The following FAM135A variants were observed in gnomAD, a reference collection of about 807,000 sequenced individuals.
FAM135A encodes the protein protein FAM135A.
In FAM135A, 79 loss-of-function variants were observed where a neutral mutation model predicts 146.8. The ratio of observed to expected loss-of-function variants is 0.54; its 90% CI spans 0.45 to 0.65. The LOEUF (loss-of-function observed/expected upper bound fraction) is 0.65, where lower values mean the gene tolerates loss of function less well. Ranked by LOEUF, FAM135A falls within the 30% of genes least tolerant of loss-of-function variation. FAM135A has a pLI of 0.00. For synonymous variants in FAM135A, 562 were observed against 603.6 expected (o/e 0.93, Z 1.01); for missense variants, 1,623 against 1,758.2 (o/e 0.92, Z 1.38).
Position 70,502,772 on chromosome 6 carries a change from A to T in FAM135A, c.1010A>T (p.Gln337Leu). 8.7e-6 allele frequency: 14 copies of T among 1,611,974 alleles called. No homozygotes were observed. The highest frequency in any genetic ancestry group is 1.1e-5 in the Non-Finnish European group (13 of 1,178,844). ...GAAGAACTAAGAATATTATTAGCAC[A>T]AGAGCACCATACTTTGAGGGTAAGT... ...LHEELRILLAQEHHTLRVRRF... is the reference protein window; with the variant it reads ...LHEELRILLALEHHTLRVRRF... Residue 337 changes from glutamine (Q) to leucine (L), a missense_variant, in exon 12 of 22, where the codon CAA (glutamine) becomes CTA (leucine). This residue lies in a region of FAM135A where 206 missense variants were observed against 194.7 expected (regional missense o/e 1.06). Coordinates refer to ENST00000418814, the MANE Select transcript of FAM135A (RefSeq NM_001162529.3).
chr6:70,482,218 A>G, intron 10 of FAM135A, 64 bp downstream of exon 10: 3 of 1,504,660 alleles, frequency 2.0e-6, no homozygotes, highest in East Asian at 2.4e-5. Flanking sequence ...TTATATTGCT[A>G]GCTATCAGCT....
chr6:70,496,100 G>A (rs931858683), intron 11 of FAM135A, among the ~76,000 whole-genome samples: 5 of 152,062 alleles, frequency 3.3e-5, no homozygotes, highest in Non-Finnish European at 5.9e-5. Flanking sequence ...ATAAACATAC[G>A]TGTGCATGTA....
At chr6:70,443,651 A>C (rs1775063067) in intron 4 of FAM135A, among the ~76,000 whole-genome samples, 1 of 152,238 alleles carries the variant, frequency 6.6e-6, no homozygotes, top group Admixed American at 6.5e-5. Flanking sequence ...TTTTGTAGTG[A>C]AAATTTATAG....
chr6:70,515,323 T>C lies in FAM135A; in HGVS notation c.1030-7190T>C, dbSNP rs530821116. Among the ~76,000 whole-genome samples, 23 of 152,370 alleles carry C rather than the reference T, an allele frequency of 1.5e-4. No homozygotes were observed. In the South Asian group the frequency reaches 4.8e-3, roughly 32 times the overall value. ...CAAAAACCTCCACATATAGCAGCTT[T>C]ATTCATAATCATCAAATTTGGAAGC... On this transcript the variant is annotated intron_variant, in intron 12 of 21. Coordinates refer to ENST00000418814, the MANE Select transcript of FAM135A (RefSeq NM_001162529.3).
At chr6:70,536,513 G>T in intron 19 of FAM135A, 102 bp downstream of exon 19, 1 of 946,968 alleles carries the variant, frequency 1.1e-6, no homozygotes, top group South Asian at 4.4e-5. Flanking sequence ...GTCACATACT[G>T]GAAATTTCGT....
intron 4 of FAM135A, among the ~76,000 whole-genome samples, chr6:70,451,419 C>A (rs1236730174): frequency 6.6e-6 from 1 of 152,090 alleles, no homozygotes; most frequent in Non-Finnish European, 1.5e-5. Flanking sequence ...CTTTGCTTTC[C>A]CCTGGTTTCA....
intron 4 of FAM135A, among the ~76,000 whole-genome samples, chr6:70,450,716 G>T (rs1198475602): frequency 0.018 from 514 of 28,212 alleles, 7 homozygotes; most frequent in South Asian, 0.031. Context: ...CCTTTTAGTT[G>T]TTTTTTTTTT....
At chr6:70,466,174 T>C (rs915426098) in intron 5 of FAM135A, among the ~76,000 whole-genome samples, 2 of 152,158 alleles carry the variant, frequency 1.3e-5, no homozygotes, top group African/African-American at 2.4e-5. Context: ...ATGAAATATA[T>C]TGCACATTTT....
At chr6:70,550,321 C>G (rs1799588622) in intron 20 of FAM135A, among the ~76,000 whole-genome samples, 1 of 152,200 alleles carries the variant, frequency 6.6e-6, no homozygotes, top group Admixed American at 6.5e-5. Context: ...AAAGGAATCA[C>G]TACCTATGGC....
chr6:70,449,050 C>G (rs1192012926), intron 4 of FAM135A, among the ~76,000 whole-genome samples: 2 of 152,208 alleles, frequency 1.3e-5, no homozygotes, highest in Non-Finnish European at 2.9e-5. Context: ...CTGTTCCCAA[C>G]AGGTTTCTTC....
At chr6:70,432,730 TA>T (rs1177806653) in intron 4 of FAM135A, among the ~76,000 whole-genome samples, 1 of 152,054 alleles carries the variant, frequency 6.6e-6, no homozygotes, top group Non-Finnish European at 1.5e-5. Flanking sequence ...TTTTTCTGAT[TA>T]AAATATTTTC....
intron 16 of FAM135A, among the ~76,000 whole-genome samples, chr6:70,532,165 C>T (rs893276819): frequency 3.9e-5 from 6 of 152,100 alleles, no homozygotes; most frequent in East Asian, 1.9e-4. Flanking sequence ...CGTGAGCCAC[C>T]GTGCCCGGCC....
At position 70,525,985 on chromosome 6, in the gene FAM135A, A is replaced by G; in HGVS notation, c.2901A>G (p.Leu967=). The G allele has an allele frequency of 1.2e-6, 2 of 1,613,154 alleles. No individual in the cohort carries two copies. The highest frequency in any genetic ancestry group is 1.7e-6 in the Non-Finnish European group (2 of 1,179,566). The change falls in exon 15 of 22, where the codon TTA becomes TTG. Residue 967 remains leucine, a synonymous_variant. Transcript: ENST00000418814. ...ACTCTACAGGGACAGCAATTACATT[A>G]AATTCAAAACTGATTTGTTTAGGCA... ...SNNSTGTAIT[L]NSKLICLGTP... is the part of the protein sequence containing the mutation.
intron 21 of FAM135A, 42 bp downstream of exon 21, chr6:70,556,905 G>C: frequency 1.9e-6 from 3 of 1,538,668 alleles, no homozygotes; most frequent in Non-Finnish European, 2.7e-6. Context: ...AGGTATTAAT[G>C]AGCTCTTTCC....
chr6:70,441,210 A>G (rs755542831), intron 4 of FAM135A, among the ~76,000 whole-genome samples: 5 of 152,074 alleles, frequency 3.3e-5, no homozygotes, highest in Non-Finnish European at 7.4e-5. Flanking sequence ...CCTGGCCAAC[A>G]TTGTGAAAAC....
chr6:70,434,578 A>G (rs1772514842), intron 4 of FAM135A, among the ~76,000 whole-genome samples: 1 of 152,248 alleles, frequency 6.6e-6, no homozygotes, highest in East Asian at 1.9e-4. Context: ...GGTAACAACC[A>G]TTTCACAAAA....
At chr6:70,519,561 A>G (rs1793073619) in intron 12 of FAM135A, among the ~76,000 whole-genome samples, 1 of 152,240 alleles carries the variant, frequency 6.6e-6, no homozygotes, top group African/African-American at 2.4e-5. Context: ...GTTGTAATTT[A>G]AGAAATTGCC....
chr6:70,556,039 A>G (rs998929766), intron 20 of FAM135A, among the ~76,000 whole-genome samples: 2 of 152,110 alleles, frequency 1.3e-5, no homozygotes, highest in Admixed American at 6.5e-5. Context: ...CTTTGAGGCC[A>G]GGAGTTCAAG....
At chr6:70,466,715 C>T (rs569015472) in intron 5 of FAM135A, among the ~76,000 whole-genome samples, 1 of 152,294 alleles carries the variant, frequency 6.6e-6, no homozygotes, top group Non-Finnish European at 1.5e-5. Context: ...CTCTCAGGAG[C>T]AGGCCAAAGC....
Sources: allele counts gnomAD v4.1 joint callset (sites outside exome capture counted in the v4.1 genomes callset), GRCh38; gene constraint gnomAD v4.1.1; regional missense constraint gnomAD v4.1.1; transcripts MANE v1.5; gene names NCBI Gene and HGNC (gene_info 2026-07-23, HGNC 2026-07-21).